RTN1: variants seen among roughly 807,000 people sequenced by gnomAD.
RTN1 encodes the protein reticulon-1.
In RTN1, 25 loss-of-function variants were observed where a neutral mutation model predicts 65.5. The observed-to-expected ratio is 0.38, with a 90% CI of 0.28 to 0.53. The LOEUF (loss-of-function observed/expected upper bound fraction) is 0.53. Ranked by LOEUF, RTN1 falls within the 20% of genes least tolerant of loss-of-function variation. RTN1 has a pLI of 0.79. For synonymous variants in RTN1, 471 were observed against 447.6 expected, an observed-to-expected ratio of 1.05 and a Z score of -0.66; for missense variants, 983 against 1,025.4, an observed-to-expected ratio of 0.96 and a Z score of 0.57.
chr14:59,689,885 A>G (rs1883924307), intron 3 of RTN1, among the ~76,000 whole-genome samples: 1 of 152,214 alleles, frequency 6.6e-6, no homozygotes, highest in African/African-American at 2.4e-5. Flanking sequence ...CACAGACCCT[A>G]TAAAGCAGCT....
At chr14:59,725,754 T>G (rs1488714408) in intron 3 of RTN1, among the ~76,000 whole-genome samples, 2 of 152,228 alleles carry the variant, frequency 1.3e-5, no homozygotes, top group South Asian at 2.1e-4. Context: ...ATGTGTTAAT[T>G]TTAAAGAATT....
At chr14:59,863,387 C>A (rs1407185081) in intron 1 of RTN1, among the ~76,000 whole-genome samples, 1 of 152,134 alleles carries the variant, frequency 6.6e-6, no homozygotes, top group Non-Finnish European at 1.5e-5. Flanking sequence ...CTTTGAATGA[C>A]TTCCTCATTG....
chr14:59,601,038 A>G (rs1266176161), intron 8 of RTN1, among the ~76,000 whole-genome samples: 2 of 151,748 alleles, frequency 1.3e-5, no homozygotes, highest in Admixed American at 1.3e-4. Flanking sequence ...GATGATATCA[A>G]TCCCCTGCTT....
chr14:59,865,652 A>G (rs1478208743), intron 1 of RTN1, among the ~76,000 whole-genome samples: 1 of 152,156 alleles, frequency 6.6e-6, no homozygotes, highest in Non-Finnish European at 1.5e-5. Context: ...TAACCAAACA[A>G]AACTGGTTGT....
intron 8 of RTN1, 82 bp downstream of exon 8, chr14:59,602,983 C>A: frequency 2.0e-6 from 2 of 999,356 alleles, no homozygotes; most frequent in Admixed American, 2.2e-5. Context: ...ATTTTACTAT[C>A]TTCTCATTAC....
intron 3 of RTN1, among the ~76,000 whole-genome samples, chr14:59,712,082 T>C (rs916705086): frequency 2.0e-5 from 3 of 152,198 alleles, no homozygotes; most frequent in Non-Finnish European, 4.4e-5. Context: ...ATAGCAATAG[T>C]TGAAAGCCAG....
At chr14:59,862,136 G>A (rs980842293) in intron 1 of RTN1, among the ~76,000 whole-genome samples, 3 of 152,018 alleles carry the variant, frequency 2.0e-5, no homozygotes, top group African/African-American at 4.8e-5. Context: ...CATCTCCTAC[G>A]TTCTATACAT....
At chr14:59,728,260 T>C in intron 2 of RTN1, among the ~76,000 whole-genome samples, 1 of 54,314 alleles carries the variant, frequency 1.8e-5, no homozygotes, top group South Asian at 4.3e-4. Context: ...TTTTTTTTTT[T>C]TTTTTTTTTT....
intron 1 of RTN1, among the ~76,000 whole-genome samples, chr14:59,859,063 C>T (rs1049481891): frequency 2.6e-5 from 4 of 152,176 alleles, no homozygotes; most frequent in Admixed American, 2.0e-4. Context: ...CTGTGAAGAG[C>T]ACATTTTAAG....
intron 3 of RTN1, among the ~76,000 whole-genome samples, chr14:59,636,822 C>G (rs1373680049): frequency 6.6e-6 from 1 of 152,144 alleles, no homozygotes; most frequent in Non-Finnish European, 1.5e-5. Flanking sequence ...ATTATGATTA[C>G]AAAAAATTCA....
At chr14:59,797,859 T>A (rs570919149) in intron 1 of RTN1, among the ~76,000 whole-genome samples, 1 of 152,290 alleles carries the variant, frequency 6.6e-6, no homozygotes, top group South Asian at 2.1e-4. Flanking sequence ...CTTGTCTTCA[T>A]AGCATAAGAA....
intron 3 of RTN1, among the ~76,000 whole-genome samples, chr14:59,705,367 G>T (rs1207719315): frequency 6.6e-6 from 1 of 152,182 alleles, no homozygotes; most frequent in Non-Finnish European, 1.5e-5. Flanking sequence ...AGTACACTGT[G>T]TAAACAGGAA....
At chr14:59,695,983 T>A (rs987370358) in intron 3 of RTN1, among the ~76,000 whole-genome samples, 10 of 152,110 alleles carry the variant, frequency 6.6e-5, no homozygotes, top group African/African-American at 2.4e-4. Flanking sequence ...GTAGTTTTTT[T>A]ATATATATAA....
chr14:59,771,769 C>T (rs1200152555), intron 1 of RTN1, among the ~76,000 whole-genome samples: 1 of 152,154 alleles, frequency 6.6e-6, no homozygotes, highest in Non-Finnish European at 1.5e-5. Flanking sequence ...TTATCCTTAT[C>T]AGTAAATAGA....
intron 3 of RTN1, among the ~76,000 whole-genome samples, chr14:59,721,106 A>G (rs937068364): frequency 3.3e-5 from 5 of 152,220 alleles, no homozygotes; most frequent in African/African-American, 1.2e-4. Flanking sequence ...TATAATAATG[A>G]AAAGTGATAA....
intron 2 of RTN1, among the ~76,000 whole-genome samples, chr14:59,744,623 C>T (rs2139505991): frequency 6.6e-6 from 1 of 152,204 alleles, no homozygotes; most frequent in Middle Eastern, 3.4e-3. Flanking sequence ...AAATTATATG[C>T]AGAACTTCAA....
At chr14:59,812,730 C>G (rs1187690607) in intron 1 of RTN1, among the ~76,000 whole-genome samples, 1 of 152,174 alleles carries the variant, frequency 6.6e-6, no homozygotes, top group Non-Finnish European at 1.5e-5. Flanking sequence ...TATGCTAAAA[C>G]TATTCCCTAG....
chr14:59,808,400 G>A (rs1886673294), intron 1 of RTN1, among the ~76,000 whole-genome samples: 2 of 152,064 alleles, frequency 1.3e-5, no homozygotes, highest in African/African-American at 4.8e-5. Flanking sequence ...CTTCCCAGTG[G>A]GCTCATCCTC....
intron 3 of RTN1, chr14:59,630,601 G>A: frequency 6.3e-7 from 1 of 1,586,628 alleles, no homozygotes; most frequent in South Asian, 1.1e-5. Context: ...GGCTCGCAGT[G>A]GCCGCGCGGC....
Sources: allele counts gnomAD v4.1 joint callset (sites outside exome capture counted in the v4.1 genomes callset), GRCh38; gene constraint gnomAD v4.1.1; transcripts MANE v1.5; gene names NCBI Gene and HGNC (gene_info 2026-07-23, HGNC 2026-07-21).